The following HDAC5 variants were observed in gnomAD, a reference collection of about 807,000 sequenced individuals.
The protein encoded by HDAC5 is histone deacetylase 5, also known as antigen NY-CO-9.
In HDAC5, 25 loss-of-function variants were observed where a neutral mutation model predicts 133.3. The observed-to-expected ratio is 0.19, with a 90% CI of 0.14 to 0.26. HDAC5 has a LOEUF of 0.26. HDAC5 is among the 10% of genes least tolerant of loss of function. HDAC5 has a pLI of 1.00. For synonymous variants in HDAC5, 589 were observed against 610.8 expected (o/e 0.96, Z 0.53); for missense variants, 1,041 against 1,460.5 (o/e 0.71, Z 4.68).
rs754724677 is a variant in HDAC5 at position 44,082,698 on chromosome 17, G to C, written c.2520-26C>G. The C allele has an allele frequency of 9.3e-6, 15 of 1,611,858 alleles. No homozygotes were observed. In the Admixed American group the frequency reaches 2.0e-4, roughly 22 times the overall value. ...CTGAGGAGGGGAGAAAAGGGCAGGA[G>C]GTCAGCCTCAGCATGACGTTTGCAA... On this transcript the variant is annotated intron_variant, in intron 19 of 26. Coordinates refer to ENST00000682912, the MANE Select transcript of HDAC5 (RefSeq NM_005474.5).
chr17:44,084,897 G>A, intron 15 of HDAC5, 125 bp downstream of exon 15: 1 of 1,351,786 alleles, frequency 7.4e-7, no homozygotes, highest in South Asian at 1.4e-5. Context: ...GGGGTGGTGG[G>A]AGAACTGGCC....
intron 18 of HDAC5, 85 bp from the exon 19 acceptor site, chr17:44,082,905 G>A (rs2050462875): frequency 1.7e-6 from 2 of 1,177,046 alleles, no homozygotes; most frequent in Non-Finnish European, 2.5e-6. Context: ...GCACAAGCCA[G>A]GCAGGGAAGT....
intron 13 of HDAC5, 83 bp downstream of exon 13, chr17:44,087,329 A>G (rs969547657): frequency 1.5e-6 from 1 of 686,898 alleles, no homozygotes; most frequent in African/African-American, 1.8e-5. Flanking sequence ...CAGATGGGGG[A>G]GAGGGAAAGA....
chr17:44,093,552 C>A (rs575440494), intron 4 of HDAC5, 23 bp downstream of exon 4: 1 of 1,595,376 alleles, frequency 6.3e-7, no homozygotes. Flanking sequence ...GTCTGGGCGG[C>A]CCCCCGCACC....
intron 3 of HDAC5, among the ~76,000 whole-genome samples, chr17:44,106,612 CAA>C (rs1334581464): frequency 6.7e-6 from 1 of 150,048 alleles, no homozygotes; most frequent in Non-Finnish European, 1.5e-5. Flanking sequence ...TTTTTTGAGG[CAA>C]AGTCTTGCTC....
chr17:44,090,358 T>C (rs1008428912), intron 11 of HDAC5, among the ~76,000 whole-genome samples: 1 of 152,198 alleles, frequency 6.6e-6, no homozygotes, highest in Non-Finnish European at 1.5e-5. Flanking sequence ...TAAATATATG[T>C]GGTGAAATTA....
intron 2 of HDAC5, among the ~76,000 whole-genome samples, chr17:44,112,713 G>A (rs1427726117): frequency 6.6e-6 from 1 of 152,192 alleles, no homozygotes; most frequent in Non-Finnish European, 1.5e-5. Context: ...CTGGGAGTGG[G>A]AGGATTAGGG....
chr17:44,085,188 G>GCTCTGGGATC (rs1425770108), intron 14 of HDAC5, 33 bp from the exon 15 acceptor site: 1 of 1,542,756 alleles, frequency 6.5e-7, no homozygotes, highest in Middle Eastern at 1.7e-4. Context: ...AGCCAGCACT[G>GCTCTGGGATC]CTCTGGGCCC....
chr17:44,078,345 G>T lies in HDAC5; in HGVS notation c.*31C>A. ...TAGAAAAAATAAACAAAATCACAAT[G>T]GTGAAGCCCAGAGGGATGGGGGCCG... On this transcript the variant is annotated 3_prime_UTR_variant, in exon 27 of 27. Transcript: ENST00000682912. 6.6e-7 allele frequency: 1 copy of T among 1,519,960 alleles called. No homozygotes were observed. 94.2% of individuals were successfully genotyped at this position (1,519,960 alleles called of 1,614,324 possible).
intron 2 of HDAC5, 50 bp from the exon 3 acceptor site, chr17:44,110,850 G>T: frequency 6.8e-7 from 1 of 1,477,824 alleles, no homozygotes; most frequent in South Asian, 1.2e-5. Context: ...GCATCTCCAC[G>T]AGCCCCTGAG....
intron 3 of HDAC5, among the ~76,000 whole-genome samples, chr17:44,095,405 G>A (rs1225366983): frequency 6.6e-6 from 1 of 152,150 alleles, no homozygotes; most frequent in Non-Finnish European, 1.5e-5. Flanking sequence ...CAGTGCCCTT[G>A]GTAACCCCAG....
rs2050149439 is a variant in HDAC5, at chr17:44,076,883, G to A, written c.*1493C>T. ...TACATGAGAACCAGACCAGCCACAGGGAGAGAGTGGGTAAGGGGCCGGGAG... is the reference window on the plus strand; with the variant it reads ...TACATGAGAACCAGACCAGCCACAGAGAGAGAGTGGGTAAGGGGCCGGGAG... On this transcript the variant is annotated 3_prime_UTR_variant, in exon 27 of 27. Transcript: ENST00000682912. The A allele has an allele frequency of 1.3e-5, 2 of 158,800 alleles. No individual in the cohort carries two copies. The highest frequency in any genetic ancestry group is 1.2e-4 in the Admixed American group (2 of 16,648). 9.8% of individuals were successfully genotyped at this position (158,800 alleles called of 1,614,324 possible). A position where few individuals can be genotyped will look rare whatever the true frequency, so the allele number is the denominator to read the frequency against.
At chr17:44,084,956 C>G (rs377530682) in intron 15 of HDAC5, 66 bp downstream of exon 15, 1 of 1,533,330 alleles carries the variant, frequency 6.5e-7, no homozygotes, top group Non-Finnish European at 8.9e-7. Flanking sequence ...TGAAGAGAGG[C>G]TTATCTAACA....
In HDAC5 at chr17:44,080,224, T is replaced by A. The variant is rs1469088868; in HGVS notation, c.2827A>T (p.Thr943Ser). ...GDVEYLTAFR[T>S]VVMPIAHEFS... is the part of the protein sequence containing the mutation. ...TCGTGGGCAATGGGCATCACCACTG[T>A]CCTGCAAAGGGATGGCTCAAGCTGA... Residue 943 changes from threonine to serine, a missense_variant and splice_region_variant, in exon 23 of 27, where the codon ACA (threonine) becomes TCA (serine). By Grantham distance (58) the Thr-to-Ser change is moderately conservative (BLOSUM62 1). Transcript: ENST00000682912. 2 of 1,612,412 alleles carry A rather than the reference T, an allele frequency of 1.2e-6. No individual in the cohort carries two copies.
Position 44,087,689 on chromosome 17 carries a change from G to T in HDAC5, c.1607C>A (p.Thr536Asn). Reference protein sequence around the residue: ...QQQLQLGKILTKTGELPRQPT... With the variant: ...QQQLQLGKILNKTGELPRQPT... ...CTGCCTGGGCAGCTCCCCTGTCTTG[G>T]TGAGGATCTGATAACAGAATATGGG... The change falls in exon 13 of 27, where the codon ACC becomes AAC. Residue 536 changes from threonine (T) to asparagine (N), a missense_variant. This residue lies in a region of HDAC5 where 433 missense variants were observed against 531.6 expected (regional missense o/e 0.81). Transcript: ENST00000682912. 1.3e-6 allele frequency: 2 copies of T among 1,589,598 alleles called. No homozygotes were observed. Among genetic ancestry groups the T allele is most frequent in the Non-Finnish European group, 8.6e-7 (1 of 1,167,324 alleles).
chr17:44,097,705 G>A (rs228750), intron 3 of HDAC5, among the ~76,000 whole-genome samples: 56,642 of 152,194 alleles, frequency 0.37, 13,260 homozygotes, highest in Middle Eastern at 0.58. Context: ...CGGCAATGCC[G>A]GGGTTGTAGG....
intron 11 of HDAC5, among the ~76,000 whole-genome samples, chr17:44,090,942 G>A (rs2050915143): frequency 6.6e-6 from 1 of 152,214 alleles, no homozygotes; most frequent in Non-Finnish European, 1.5e-5. Flanking sequence ...ACCCGCCTCA[G>A]CCTCCCAAAG....
intron 3 of HDAC5, among the ~76,000 whole-genome samples, chr17:44,105,720 T>C (rs982419515): frequency 6.6e-6 from 1 of 152,160 alleles, no homozygotes; most frequent in Non-Finnish European, 1.5e-5. Context: ...GGGAGTTGGA[T>C]TCACCTCTTT....
At chr17:44,097,402 A>G (rs2051338174) in intron 3 of HDAC5, among the ~76,000 whole-genome samples, 1 of 152,246 alleles carries the variant, frequency 6.6e-6, no homozygotes, top group Non-Finnish European at 1.5e-5. Flanking sequence ...AAGTGGCCAG[A>G]TGTGGCCAGA....
Sources: allele counts gnomAD v4.1 joint callset (sites outside exome capture counted in the v4.1 genomes callset), GRCh38; gene constraint gnomAD v4.1.1; regional missense constraint gnomAD v4.1.1; transcripts MANE v1.5; gene names NCBI Gene and HGNC (gene_info 2026-07-23, HGNC 2026-07-21).